PTDSS2: variants seen among roughly 807,000 people sequenced by gnomAD.
PTDSS2 encodes phosphatidylserine synthase 2, also known as PSS-2.
A neutral mutation model predicts 64.7 loss-of-function variants in PTDSS2; 41 were observed. The observed-to-expected ratio is 0.63, with a 90% CI of 0.49 to 0.82. The LOEUF (loss-of-function observed/expected upper bound fraction) is 0.82, where lower values mean the gene tolerates loss of function less well. Ranked by LOEUF, PTDSS2 falls within the 40% of genes least tolerant of loss-of-function variation. PTDSS2 has a pLI of 0.00. For missense variants in PTDSS2, 485 were observed against 650.0 expected, an observed-to-expected ratio of 0.75 and a Z score of 2.76; for synonymous variants, 297 against 277.8, an observed-to-expected ratio of 1.07 and a Z score of -0.69.
At chr11:488,013 C>A (rs940447457) in intron 6 of PTDSS2, among the ~76,000 whole-genome samples, 186 bp from the exon 7 acceptor site, 2 of 147,588 alleles carry the variant, frequency 1.4e-5, no homozygotes, top group Non-Finnish European at 3.0e-5. Flanking sequence ...TGGGCAGGGC[C>A]GGGCGTGGCC....
rs1276405972 is a variant in PTDSS2 at position 462,206 on chromosome 11, C to T, written c.284+1918C>T. Among the ~76,000 whole-genome samples the T allele has an allele frequency of 6.6e-6, 1 of 152,188 alleles. No homozygotes were observed. Among genetic ancestry groups the T allele is most frequent in the African/African-American group, 2.4e-5 (1 of 41,460 alleles). On this transcript the variant is annotated intron_variant, in intron 2 of 11. Coordinates refer to ENST00000308020, the MANE Select transcript of PTDSS2 (RefSeq NM_030783.3). This position sits in a 1 kb window ranked among gnomAD's most constrained non-coding sequence, Gnocchi z 4.5. ...CCAGGCCTGGTTCCTATGGGAAGCA[C>T]TAGGTGACCCAGACCCAGAGGGGCC...
chr11:490,122 T>G, intron 11 of PTDSS2, 54 bp downstream of exon 11: 1 of 1,526,704 alleles, frequency 6.6e-7, no homozygotes. Flanking sequence ...TCCGGGTCCC[T>G]TGGCACAGGC....
rs568172949 is a variant in PTDSS2, at chr11:479,553, G to C, written c.435+401G>C. ...ATCTGAGTGCTGGTGGGGACTGGGC[G>C]TGAAGGGAGCCGCAAGTCAGGTCCT... is the stretch of plus-strand genomic sequence containing the variant. On this transcript the variant is annotated intron_variant, in intron 4 of 11. Coordinates refer to ENST00000308020, the MANE Select transcript of PTDSS2 (RefSeq NM_030783.3). The surrounding 1 kb of genome is among the most constrained non-coding windows in gnomAD (Gnocchi z 4.2). The C allele has an allele frequency of 4.0e-6, 1 of 251,450 alleles. No homozygotes were observed. The highest frequency in any genetic ancestry group is 7.8e-6 in the Non-Finnish European group (1 of 128,744). 15.6% of individuals were successfully genotyped at this position (251,450 alleles called of 1,614,324 possible).
At chr11:473,527 C>T (rs1847576921) in intron 2 of PTDSS2, among the ~76,000 whole-genome samples, 1 of 152,214 alleles carries the variant, frequency 6.6e-6, no homozygotes, top group African/African-American at 2.4e-5. Context: ...CAGGGACCTT[C>T]TCCTGGCCAC....
intron 1 of PTDSS2, among the ~76,000 whole-genome samples, chr11:456,783 C>T (rs971321401): frequency 6.6e-6 from 1 of 152,196 alleles, no homozygotes; most frequent in Admixed American, 6.5e-5. Context: ...GGGCAGGTCT[C>T]TCAGTACTGA....
intron 2 of PTDSS2, among the ~76,000 whole-genome samples, chr11:471,964 TGCAGATGGCGGCCTGGGGTGAC>T (rs1847472875): frequency 1.4e-5 from 1 of 69,188 alleles, no homozygotes; most frequent in Admixed American, 1.9e-4. Flanking sequence ...CCTGGGGTGA[TGCAGATGGCGGCCTGGGGTGAC>T]GCGGATGGCG....
intron 3 of PTDSS2, among the ~76,000 whole-genome samples, chr11:477,590 C>G (rs1847868770): frequency 6.6e-6 from 1 of 152,202 alleles, no homozygotes; most frequent in Non-Finnish European, 1.5e-5. Context: ...GGGCCTTCCC[C>G]AACAGGAGAA....
intron 2 of PTDSS2, among the ~76,000 whole-genome samples, chr11:469,896 G>T (rs1183793971): frequency 6.6e-6 from 1 of 152,188 alleles, no homozygotes; most frequent in Non-Finnish European, 1.5e-5. Flanking sequence ...TTGCGTCCCA[G>T]TGAAAGAGCC....
intron 1 of PTDSS2, among the ~76,000 whole-genome samples, chr11:453,762 A>C (rs1022453199): frequency 8.5e-5 from 13 of 152,142 alleles, no homozygotes; most frequent in African/African-American, 2.9e-4. Context: ...TTGGACGACG[A>C]CGCCGCGTTT....
intron 6 of PTDSS2, 135 bp downstream of exon 6, chr11:487,605 G>C: frequency 1.2e-6 from 1 of 821,150 alleles, no homozygotes; most frequent in South Asian, 1.5e-5. Context: ...CAGCCACCCA[G>C]AGGTTCGAGA....
At position 491,037 on chromosome 11, in the gene PTDSS2, G is replaced by A. The variant is rs1327570571; in HGVS notation, c.*455G>A. On this transcript the variant is annotated 3_prime_UTR_variant, in exon 12 of 12. Transcript: ENST00000308020. ...GGTGTGGTCCAGGCAGGGACATCTC[G>A]GTACCCTTTCTGCACTCCGTGGGCC... The A allele has an allele frequency of 4.0e-5, 7 of 176,574 alleles. No individual in the cohort carries two copies. The South Asian group carries it at 7.6e-4, about 19-fold the overall frequency. The allele number at this position is 176,574 out of a possible 1,614,324, so 10.9% of individuals were successfully genotyped here.
intron 4 of PTDSS2, among the ~76,000 whole-genome samples, chr11:482,223 C>CT (rs558526140): frequency 0.022 from 2,583 of 117,328 alleles, 45 homozygotes; most frequent in African/African-American, 0.025. Context: ...CAAGGATGGG[C>CT]TTTTTTTTTT....
intron 1 of PTDSS2, among the ~76,000 whole-genome samples, chr11:452,714 A>G (rs77646266): frequency 1.3e-5 from 2 of 152,010 alleles, no homozygotes; most frequent in Admixed American, 6.6e-5. Context: ...TTCCCTGTGC[A>G]GAGGAAGGAG....
rs999597816 is a variant in PTDSS2, at chr11:487,604, A to G, written c.621+134A>G. On this transcript the variant is annotated intron_variant, in intron 6 of 11. Coordinates refer to ENST00000308020, the MANE Select transcript of PTDSS2 (RefSeq NM_030783.3). ...GGAGGGTGTCGCACTGCAGCCACCC[A>G]GAGGTTCGAGAAGCCGTGGGGCTCC... is the stretch of plus-strand genomic sequence containing the variant. 3.3e-5 allele frequency: 27 copies of G among 820,116 alleles called. No individual in the cohort carries two copies. In the African/African-American group the frequency reaches 4.2e-4, roughly 13 times the overall value. The allele number at this position is 820,116 out of a possible 1,614,324, so 50.8% of individuals were successfully genotyped here.
intron 1 of PTDSS2, among the ~76,000 whole-genome samples, chr11:455,957 G>A (rs911387395): frequency 6.6e-6 from 1 of 152,100 alleles, no homozygotes; most frequent in Non-Finnish European, 1.5e-5. Context: ...GGAGGCTCCG[G>A]GCCCCACCCC....
chr11:490,035 C>T lies in PTDSS2; in HGVS notation c.1268C>T (p.Ala423Val), dbSNP rs61742833. 153,153 of 1,610,356 alleles carry T rather than the reference C, an allele frequency of 0.095. 8,905 individuals are homozygous for T. The highest frequency in any genetic ancestry group is 0.22 in the Admixed American group (13,333 of 59,978). Residue 423 changes from alanine (A) to valine (V), a missense_variant, in exon 11 of 12, where the codon GCG (alanine) becomes GTG (valine). By Grantham distance (64) the Ala-to-Val change is moderately conservative. This residue lies in a region of PTDSS2 where 219 missense variants were observed against 257.3 expected (regional missense o/e 0.85). Coordinates refer to ENST00000308020, the MANE Select transcript of PTDSS2 (RefSeq NM_030783.3). ...TGCTGGACCCTCGGCTCCGTCCTGG[C>T]GCTCACCTGGACCGTCTGGCGCTTC... ...SQCWTLGSVL[A>V]LTWTVWRFFL...
chr11:450,123 C>G (rs1390449795), upstream of PTDSS2, among the ~76,000 whole-genome samples: 2 of 152,200 alleles, frequency 1.3e-5, no homozygotes, highest in Non-Finnish European at 2.9e-5. Flanking sequence ...TGGCGAGACC[C>G]GCGCCATCCG....
intron 3 of PTDSS2, among the ~76,000 whole-genome samples, chr11:475,633 G>T (rs1847769636): frequency 6.6e-6 from 1 of 152,140 alleles, no homozygotes; most frequent in African/African-American, 2.4e-5. Flanking sequence ...GTGGCTTTGT[G>T]CATTCTCCAC....
intron 2 of PTDSS2, among the ~76,000 whole-genome samples, chr11:468,797 G>A (rs983310217): frequency 3.3e-5 from 5 of 150,720 alleles, no homozygotes; most frequent in Admixed American, 3.3e-4. Context: ...GAGGAGGGGA[G>A]TCTCTGGGTA....
Sources: gnomAD v4.1 joint callset for allele counts (sites outside exome capture counted in the v4.1 genomes callset) on GRCh38, gnomAD v4.1.1 for gene constraint, gnomAD v4.1.1 regional missense constraint, Gnocchi (gnomAD v3.1) non-coding constraint, MANE v1.5 for transcripts, NCBI Gene and HGNC (gene_info 2026-07-23, HGNC 2026-07-21) for gene names.